Variants in ZSCAN23 observed in about 807,000 individuals in gnomAD.
ZSCAN23 encodes zinc finger and SCAN domain containing 23, also known as zinc finger and SCAN domain-containing protein 23.
A neutral mutation model predicts 19.3 loss-of-function variants in ZSCAN23; 19 were observed. The observed-to-expected ratio is 0.99, with a 90% CI of 0.69 to 1.45. The LOEUF (loss-of-function observed/expected upper bound fraction) is 1.45. ZSCAN23 is among the 40% of genes most tolerant of loss of function. The probability of loss-of-function intolerance (pLI) is 0.00; values close to 1 mark genes in which losing one functional copy is unlikely to be tolerated. For missense variants in ZSCAN23, 372 were observed against 462.5 expected, an observed-to-expected ratio of 0.80 and a Z score of 1.79; for synonymous variants, 140 against 166.2, an observed-to-expected ratio of 0.84 and a Z score of 1.21.
chr6:28,439,160 C>T (rs148990033), intron 1 of ZSCAN23, among the ~76,000 whole-genome samples: 3 of 151,924 alleles, frequency 2.0e-5, no homozygotes, highest in Non-Finnish European at 4.4e-5. Flanking sequence ...TGCAACAGCA[C>T]GATCTCAGCT....
chr6:28,436,241 G>A lies in ZSCAN23; in HGVS notation c.26C>T (p.Thr9Ile). Residue 9 changes from threonine (T) to isoleucine (I), a missense_variant, in exon 2 of 4, where the codon ACT (threonine) becomes ATT (isoleucine). By Grantham distance (89) the Thr-to-Ile change is moderately conservative. Coordinates refer to ENST00000289788, the MANE Select transcript of ZSCAN23 (RefSeq NM_001012455.2). ...CAGAAGTCCTTCCTGCATCTCTGCA[G>A]TCTGAAGGGTCAAGGTTATGGCCAT... MAITLTLQ[T>I]AEMQEGLLAV... is the part of the protein sequence containing the mutation. The A allele has an allele frequency of 6.4e-7, 1 of 1,551,026 alleles. No individual in the cohort carries two copies. The highest frequency in any genetic ancestry group is 8.7e-7 in the Non-Finnish European group (1 of 1,146,572).
intron 1 of ZSCAN23, among the ~76,000 whole-genome samples, chr6:28,441,874 ATT>A (rs371867784): frequency 2.6e-4 from 34 of 130,886 alleles, no homozygotes; most frequent in Admixed American, 4.8e-4. Context: ...CTGGTTGTTA[ATT>A]TTTTTTTTTT....
At chr6:28,428,789 G>A (rs1761701312), downstream of ZSCAN23, among the ~76,000 whole-genome samples, 1 of 152,196 alleles carries the variant, frequency 6.6e-6, no homozygotes, top group South Asian at 2.1e-4. Context: ...TTTACTGGGT[G>A]CTTCAAATGG....
the ZSCAN23 span, among the ~76,000 whole-genome samples, chr6:28,421,701 G>T: frequency 6.6e-6 from 1 of 152,158 alleles, no homozygotes; most frequent in Non-Finnish European, 1.5e-5. Context: ...AGCACATGAT[G>T]CAGACAGCAA....
Position 28,435,039 on chromosome 6 carries a change from T to G in ZSCAN23, c.596A>C (p.Lys199Thr). 1.3e-6 allele frequency: 2 copies of G among 1,550,498 alleles called. No individual in the cohort carries two copies. The highest frequency in any genetic ancestry group is 1.7e-6 in the Non-Finnish European group (2 of 1,146,064). ...AGTWNVELAP[K>T]REISQEVKSL... The stretch of plus-strand genomic sequence containing the variant: ...TTTCACTTCCTGAGAAATCTCCCTC[T>G]TTGGGGCTAACTCCACATTCCAAGT... Residue 199 changes from lysine (K) to threonine (T), a missense_variant, in exon 4 of 4, where the codon AAG (lysine) becomes ACG (threonine). Physicochemically the swap from Lys to Thr is moderately conservative, Grantham distance 78. Coordinates refer to ENST00000289788, the MANE Select transcript of ZSCAN23 (RefSeq NM_001012455.2).
Position 28,434,290 on chromosome 6 carries a change from A to C in ZSCAN23, c.*175T>G. The C allele has an allele frequency of 1.5e-6, 1 of 659,546 alleles. No individual in the cohort carries two copies. Among genetic ancestry groups the C allele is most frequent in the Non-Finnish European group, 2.5e-6 (1 of 408,120 alleles). 40.9% of individuals were successfully genotyped at this position (659,546 alleles called of 1,614,324 possible). ...ATCAACACAAGAGGCAACATTCAGTATTGCAAAGCTGTGGATGTCACTGAT... is the reference window on the plus strand; with the variant it reads ...ATCAACACAAGAGGCAACATTCAGTCTTGCAAAGCTGTGGATGTCACTGAT... On this transcript the variant is annotated 3_prime_UTR_variant, in exon 4 of 4. Transcript: ENST00000289788.
chr6:28,421,732 C>A, the ZSCAN23 span, among the ~76,000 whole-genome samples: 1 of 152,116 alleles, frequency 6.6e-6, no homozygotes, highest in Non-Finnish European at 1.5e-5. Flanking sequence ...GTGTGCAACT[C>A]TACAGGACAA....
Position 28,443,417 on chromosome 6 carries a change from A to C in ZSCAN23, c.-96T>G, listed in dbSNP as rs1762043678. 6.6e-6 allele frequency: 1 copy of C among 152,424 alleles called. No homozygotes were observed. Among genetic ancestry groups the C allele is most frequent in the South Asian group, 2.1e-4 (1 of 4,834 alleles). The allele number at this position is 152,424 out of a possible 1,614,324, so 9.4% of individuals were successfully genotyped here. A position where few individuals can be genotyped will look rare whatever the true frequency, so the allele number is the denominator to read the frequency against. On this transcript the variant is annotated 5_prime_UTR_variant, in exon 1 of 4. Transcript: ENST00000289788. Reference sequence around the variant, plus strand: ...AGCTCACCGAGGCATCCGTGAGAGGAGATGCCACCTAGCGCAGATCACATC... The same window carrying C: ...AGCTCACCGAGGCATCCGTGAGAGGCGATGCCACCTAGCGCAGATCACATC...
intron 1 of ZSCAN23, among the ~76,000 whole-genome samples, chr6:28,442,929 T>C (rs1762031343): frequency 1.3e-5 from 2 of 152,218 alleles, no homozygotes; most frequent in Admixed American, 1.3e-4. Flanking sequence ...TGGCACATAG[T>C]AGATGCTATT....
Position 28,434,273 on chromosome 6 carries a change from A to G in ZSCAN23, c.*192T>C. Reference sequence around the variant, plus strand: ...ACAGCATACATGATGAAATCAACACAAGAGGCAACATTCAGTATTGCAAAG... The same window carrying G: ...ACAGCATACATGATGAAATCAACACGAGAGGCAACATTCAGTATTGCAAAG... On this transcript the variant is annotated 3_prime_UTR_variant, in exon 4 of 4. Coordinates refer to ENST00000289788, the MANE Select transcript of ZSCAN23 (RefSeq NM_001012455.2). 3.4e-6 allele frequency: 2 copies of G among 590,644 alleles called. No individual in the cohort carries two copies. The highest frequency in any genetic ancestry group is 5.7e-6 in the Non-Finnish European group (2 of 352,474). 36.6% of individuals were successfully genotyped at this position (590,644 alleles called of 1,614,324 possible).
At chr6:28,435,189 A>G in intron 3 of ZSCAN23, 111 bp from the exon 4 acceptor site, 1 of 1,267,118 alleles carries the variant, frequency 7.9e-7, no homozygotes, top group Non-Finnish European at 1.1e-6. Flanking sequence ...GGGGACAAGT[A>G]GCCACTTTTT....
At chr6:28,427,441 G>A (rs1365869448), downstream of ZSCAN23, among the ~76,000 whole-genome samples, 2 of 152,184 alleles carry the variant, frequency 1.3e-5, no homozygotes, top group Non-Finnish European at 2.9e-5. Flanking sequence ...ATCATAGACT[G>A]TACTTCCACA....
chr6:28,435,774 A>AG, intron 2 of ZSCAN23, 85 bp downstream of exon 2: 1 of 1,403,202 alleles, frequency 7.1e-7, no homozygotes, highest in Non-Finnish European at 9.5e-7. Context: ...TAAAAAAAAA[A>AG]TCCTCCTCCT....
downstream of ZSCAN23, among the ~76,000 whole-genome samples, chr6:28,430,899 C>T (rs1314123502): frequency 1.3e-5 from 2 of 152,190 alleles, no homozygotes; most frequent in African/African-American, 4.8e-5. Context: ...TGCCTTAACA[C>T]TGCAAGCTCT....
In ZSCAN23 at chr6:28,434,212, A is replaced by T; in HGVS notation, c.*253T>A. On this transcript the variant is annotated 3_prime_UTR_variant, in exon 4 of 4. Coordinates refer to ENST00000289788, the MANE Select transcript of ZSCAN23 (RefSeq NM_001012455.2). ...GGATGAAGAAGTTTTCCTGAAATAG[A>T]AAACTTCTTGCACAGATGTGTGTGA... 1 of 374,162 alleles carries T rather than the reference A, an allele frequency of 2.7e-6. No individual in the cohort carries two copies. The highest frequency in any genetic ancestry group is 4.2e-5 in the Admixed American group (1 of 24,020). 23.2% of individuals were successfully genotyped at this position (374,162 alleles called of 1,614,324 possible). A position where few individuals can be genotyped will look rare whatever the true frequency, so the allele number is the denominator to read the frequency against.
intron 1 of ZSCAN23, among the ~76,000 whole-genome samples, chr6:28,438,714 G>GGTA (rs1333977608): frequency 6.6e-6 from 1 of 152,144 alleles, no homozygotes; most frequent in Non-Finnish European, 1.5e-5. Context: ...ATAGCATGAA[G>GGTA]GTACCTGCCC....
Position 28,434,737 on chromosome 6 carries a change from T to C in ZSCAN23, c.898A>G (p.Thr300Ala). The C allele has an allele frequency of 3.1e-6, 5 of 1,602,058 alleles. No individual in the cohort carries two copies. The highest frequency in any genetic ancestry group is 4.3e-6 in the Non-Finnish European group (5 of 1,174,016). The change falls in exon 4 of 4, where the codon ACT becomes GCT. Residue 300 changes from threonine to alanine, a missense_variant. Coordinates refer to ENST00000289788, the MANE Select transcript of ZSCAN23 (RefSeq NM_001012455.2). The part of the protein sequence containing the change: ...SGLFQHQRLH[T>A]GEKRYQCSVC... ...CTGCACTGGTAGCGCTTCTCCCCAGTGTGGAGTCTCTGGTGCTGGAATAGG... is the reference window on the plus strand; with the variant it reads ...CTGCACTGGTAGCGCTTCTCCCCAGCGTGGAGTCTCTGGTGCTGGAATAGG...
intron 1 of ZSCAN23, among the ~76,000 whole-genome samples, chr6:28,442,957 C>A (rs1486016169): frequency 6.6e-6 from 1 of 152,084 alleles, no homozygotes; most frequent in African/African-American, 2.4e-5. Flanking sequence ...TTAAAAAATT[C>A]GATAGCAGCA....
At chr6:28,421,995 A>G in the ZSCAN23 span, among the ~76,000 whole-genome samples, 1 of 152,002 alleles carries the variant, frequency 6.6e-6, no homozygotes, top group East Asian at 1.9e-4. Flanking sequence ...CATTTTTAAA[A>G]TTCATATCTT....
Sources: gnomAD v4.1 joint callset for allele counts (sites outside exome capture counted in the v4.1 genomes callset) on GRCh38, gnomAD v4.1.1 for gene constraint, MANE v1.5 for transcripts, NCBI Gene and HGNC (gene_info 2026-07-23, HGNC 2026-07-21) for gene names.